PUS7: variants seen among roughly 807,000 people sequenced by gnomAD.
PUS7 encodes pseudouridine synthase 7.
A neutral mutation model predicts 79.8 loss-of-function variants in PUS7; 48 were observed. The ratio of observed to expected loss-of-function variants is 0.60; its 90% CI spans 0.48 to 0.76. The LOEUF (loss-of-function observed/expected upper bound fraction) is 0.76, where lower values mean the gene tolerates loss of function less well. PUS7 is among the 30% of genes least tolerant of loss of function. PUS7 has a pLI of 0.00. For synonymous variants in PUS7, 286 were observed against 272.2 expected (o/e 1.05, Z -0.50); for missense variants, 729 against 797.6 (o/e 0.91, Z 1.04).
chr7:105,482,553 C>T, intron 7 of PUS7, 113 bp from the exon 8 acceptor site: 2 of 1,150,214 alleles, frequency 1.7e-6, no homozygotes, highest in Admixed American at 2.5e-5. Context: ...CACCTATGAC[C>T]CCCTGAAAGG....
chr7:105,456,974 T>C lies in PUS7; in HGVS notation c.*816A>G, dbSNP rs1217938519. The C allele has an allele frequency of 6.6e-6, 1 of 151,728 alleles. No homozygotes were observed. Among genetic ancestry groups the C allele is most frequent in the African/African-American group, 2.4e-5 (1 of 41,256 alleles). The allele number at this position is 151,728 out of a possible 1,614,324, so 9.4% of individuals were successfully genotyped here. On this transcript the variant is annotated 3_prime_UTR_variant, in exon 16 of 16. Coordinates refer to ENST00000469408, the MANE Select transcript of PUS7 (RefSeq NM_019042.5). ...CCAAACCCCCGTCTCTACAAAAAAA[T>C]ACAAAAATCAGCTAGGCGTGGTGGT...
rs1463078010 is a variant in PUS7 at position 105,502,559 on chromosome 7, G to A, written c.591C>T (p.Ile197=). The A allele has an allele frequency of 3.1e-6, 5 of 1,613,228 alleles. No individual in the cohort carries two copies. The highest frequency in any genetic ancestry group is 1.1e-5 in the South Asian group (1 of 90,980). ...NKETSVAIEV[I]EDTKEKRTII... Reference sequence around the variant, plus strand: ...TGGTTCTTTTCTCTTTGGTGTCCTCGATAACCTATTAAAAAAAACAGATAG... The same window carrying A: ...TGGTTCTTTTCTCTTTGGTGTCCTCAATAACCTATTAAAAAAAACAGATAG... Residue 197 remains isoleucine, a synonymous_variant, in exon 5 of 16, where the codon ATC becomes ATT. Transcript: ENST00000469408.
intron 7 of PUS7, among the ~76,000 whole-genome samples, chr7:105,484,878 T>A (rs1824482042): frequency 2.2e-5 from 3 of 133,376 alleles, no homozygotes; most frequent in Admixed American, 1.5e-4. Flanking sequence ...TTTTTTTTTT[T>A]AAGACGGAGT....
intron 13 of PUS7, among the ~76,000 whole-genome samples, chr7:105,463,007 G>C (rs1289075481): frequency 1.3e-5 from 2 of 152,160 alleles, no homozygotes; most frequent in Non-Finnish European, 2.9e-5. Flanking sequence ...TGTGGTGTAA[G>C]GTTCCCAAGC....
chr7:105,461,895 A>G (rs1390078691), intron 14 of PUS7, among the ~76,000 whole-genome samples: 1 of 152,160 alleles, frequency 6.6e-6, no homozygotes, highest in Non-Finnish European at 1.5e-5. Context: ...GAAAAGGCAC[A>G]GGCTGGATGT....
chr7:105,484,146 T>C (rs1433906023), intron 7 of PUS7, among the ~76,000 whole-genome samples: 1 of 152,192 alleles, frequency 6.6e-6, no homozygotes, highest in Admixed American at 6.6e-5. Context: ...CTCTTTGTCT[T>C]TGCTTTTAAT....
rs529445564 is a variant in PUS7, at chr7:105,467,383, G to A, written c.1525+954C>T. Among the ~76,000 whole-genome samples the A allele has an allele frequency of 1.4e-3, 218 of 150,600 alleles. 3 individuals are homozygous for A. The South Asian group carries it at 0.015, about 10-fold the overall frequency. ...CGGCTCACTGCAAGCTCCGCCTCCCGGGTTCACGCCATTCTCCTGCCTCAG... is the reference window on the plus strand; with the variant it reads ...CGGCTCACTGCAAGCTCCGCCTCCCAGGTTCACGCCATTCTCCTGCCTCAG... On this transcript the variant is annotated intron_variant, in intron 12 of 15. Coordinates refer to ENST00000469408, the MANE Select transcript of PUS7 (RefSeq NM_019042.5).
intron 1 of PUS7, among the ~76,000 whole-genome samples, chr7:105,512,710 A>G (rs1489221385): frequency 6.6e-6 from 1 of 152,172 alleles, no homozygotes; most frequent in Non-Finnish European, 1.5e-5. Context: ...GGGAGTCACA[A>G]CCTGAAAACC....
At chr7:105,502,670 A>G in intron 4 of PUS7, 106 bp from the exon 5 acceptor site, 3 of 1,231,216 alleles carry the variant, frequency 2.4e-6, no homozygotes, top group Non-Finnish European at 3.4e-6. Flanking sequence ...ACTACGCAAA[A>G]TAACAAAAGT....
chr7:105,485,053 G>A (rs1202067841), intron 7 of PUS7, among the ~76,000 whole-genome samples: 1 of 151,712 alleles, frequency 6.6e-6, no homozygotes, highest in African/African-American at 2.4e-5. Flanking sequence ...AGCAGAGATG[G>A]GGTTTCACCA....
At chr7:105,516,546 C>T (rs761062862) in intron 1 of PUS7, among the ~76,000 whole-genome samples, 2 of 151,788 alleles carry the variant, frequency 1.3e-5, no homozygotes, top group African/African-American at 4.8e-5. Context: ...CTCCACCTCC[C>T]GGGTTCAAGT....
Position 105,459,257 on chromosome 7 carries a change from T to A in PUS7, c.1760A>T (p.Glu587Val), listed in dbSNP as rs767893456. The A allele has an allele frequency of 1.9e-6, 3 of 1,603,922 alleles. No homozygotes were observed. In the African/African-American group the frequency reaches 4.0e-5, roughly 21 times the overall value. The change falls in exon 15 of 16, where the codon GAA becomes GTA. Residue 587 changes from glutamate (E) to valine (V), a missense_variant and splice_region_variant. Coordinates refer to ENST00000469408, the MANE Select transcript of PUS7 (RefSeq NM_019042.5). ...IIIRPQNVSW[E>V]VVAYDDPKIP... ...TTTGGGATCATCATATGCAACGACT[T>A]CCCTTCAAAACATATGAATAAAGAT...
chr7:105,474,759 C>T (rs550337167), intron 9 of PUS7, among the ~76,000 whole-genome samples: 30 of 151,926 alleles, frequency 2.0e-4, no homozygotes, highest in African/African-American at 6.5e-4. Context: ...CCAGCCTGGG[C>T]GACAGAGCAA....
Position 105,473,085 on chromosome 7 carries a change from G to A in PUS7, c.1176-892C>T, listed in dbSNP as rs139196929. Among the ~76,000 whole-genome samples the A allele has an allele frequency of 1.3e-3, 196 of 152,036 alleles. 1 individual carries two copies. Among genetic ancestry groups the A allele is most frequent in the African/African-American group, 4.2e-3 (175 of 41,472 alleles). ...CCACATGGTATTATTTATATAAATC[G>A]CAGTTAAGTCTTTACGTGTGAAAAC... is the stretch of plus-strand genomic sequence containing the variant. On this transcript the variant is annotated intron_variant, in intron 9 of 15. Transcript: ENST00000469408.
chr7:105,482,130 G>GTCCTACC (rs1824347869), intron 8 of PUS7, among the ~76,000 whole-genome samples, 182 bp downstream of exon 8: 1 of 152,184 alleles, frequency 6.6e-6, no homozygotes, highest in Non-Finnish European at 1.5e-5. Context: ...TCCTACAGAG[G>GTCCTACC]TATTTGCTCT....
At chr7:105,505,301 C>T (rs1234661948) in intron 4 of PUS7, among the ~76,000 whole-genome samples, 8 of 152,292 alleles carry the variant, frequency 5.3e-5, no homozygotes, top group East Asian at 1.9e-4. Flanking sequence ...CCGTGCCCGG[C>T]GAACAAAAGC....
intron 12 of PUS7, 90 bp downstream of exon 12, chr7:105,468,247 T>A: frequency 2.0e-6 from 3 of 1,507,070 alleles, no homozygotes; most frequent in Non-Finnish European, 2.7e-6. Context: ...CTCTCTTTCT[T>A]AATTAATAGC....
intron 1 of PUS7, among the ~76,000 whole-genome samples, chr7:105,510,725 G>A (rs1825669266): frequency 6.6e-6 from 1 of 152,084 alleles, no homozygotes; most frequent in Non-Finnish European, 1.5e-5. Flanking sequence ...ATGTTGGCCA[G>A]GCTGCTCTCG....
At chr7:105,480,965 C>T (rs1177584480) in intron 9 of PUS7, 87 bp downstream of exon 9, 25 of 1,431,470 alleles carry the variant, frequency 1.7e-5, no homozygotes, top group African/African-American at 4.3e-5. Context: ...CATGGGAGAA[C>T]GTAGAAATAA....
Sources: gnomAD v4.1 joint callset for allele counts (sites outside exome capture counted in the v4.1 genomes callset) on GRCh38, gnomAD v4.1.1 for gene constraint, MANE v1.5 for transcripts, NCBI Gene and HGNC (gene_info 2026-07-23, HGNC 2026-07-21) for gene names.